Variants in TPCN1 observed in about 807,000 individuals in gnomAD.
TPCN1 encodes the protein two pore channel protein 1.
TPCN1 carries 52 observed loss-of-function variants against 108.8 expected under a neutral mutation model. The observed-to-expected ratio is 0.48, with a 90% CI of 0.38 to 0.60. TPCN1 has a LOEUF of 0.60. TPCN1 is among the 20% of genes least tolerant of loss of function. The probability of loss-of-function intolerance (pLI) is 0.00; values close to 1 mark genes in which losing one functional copy is unlikely to be tolerated. For synonymous variants in TPCN1, 446 were observed against 433.7 expected, an observed-to-expected ratio of 1.03 and a Z score of -0.35; for missense variants, 806 against 1,072.8, an observed-to-expected ratio of 0.75 and a Z score of 3.47.
chr12:113,257,006 T>A (rs1448547053), intron 2 of TPCN1, among the ~76,000 whole-genome samples: 2 of 152,126 alleles, frequency 1.3e-5, no homozygotes, highest in East Asian at 3.8e-4. Flanking sequence ...TCTGATAGAC[T>A]TGTATCCAGA....
intron 25 of TPCN1, chr12:113,292,223 T>A: frequency 2.2e-6 from 1 of 456,378 alleles, no homozygotes; most frequent in Non-Finnish European, 4.0e-6. Context: ...AAGGCTTATG[T>A]GGCAGCAGCA....
intron 2 of TPCN1, among the ~76,000 whole-genome samples, chr12:113,253,064 G>T (rs1343859409): frequency 6.6e-6 from 1 of 152,116 alleles, no homozygotes; most frequent in Non-Finnish European, 1.5e-5. Context: ...TACCGATTGG[G>T]AGCTAGGCAG....
chr12:113,241,269 C>T (rs116771071), intron 2 of TPCN1, among the ~76,000 whole-genome samples: 2,364 of 152,336 alleles, frequency 0.016, 47 homozygotes, highest in African/African-American at 0.053. Flanking sequence ...TGTAGCTGTC[C>T]TCCAGCTGTC....
chr12:113,280,256 A>G lies in TPCN1; in HGVS notation c.1342+61A>G, dbSNP rs375573686. ...CCCCTGAGTCCTTTGCTGTTCTAGA[A>G]GCGGGAGAGGCAAGAGATTGGTCCT... On this transcript the variant is annotated intron_variant, in intron 15 of 27. Transcript: ENST00000335509. The G allele has an allele frequency of 8.5e-6, 12 of 1,415,200 alleles. No homozygotes were observed. In the East Asian group the frequency reaches 2.8e-4, roughly 32 times the overall value. The allele number at this position is 1,415,200 out of a possible 1,614,324, so 87.7% of individuals were successfully genotyped here. A position where few individuals can be genotyped will look rare whatever the true frequency, so the allele number is the denominator to read the frequency against.
intron 2 of TPCN1, among the ~76,000 whole-genome samples, chr12:113,243,097 C>T (rs1050113469): frequency 5.9e-5 from 9 of 152,218 alleles, no homozygotes; most frequent in Admixed American, 3.3e-4. Flanking sequence ...TGGCCGGGTG[C>T]GGTGCCTCAC....
intron 27 of TPCN1, chr12:113,294,328 T>C (rs1956361659): frequency 6.6e-6 from 1 of 152,152 alleles, no homozygotes. Context: ...CCTTGGCTTC[T>C]AATTTAAGAA....
At chr12:113,233,730 A>G (rs1953782311) in intron 2 of TPCN1, among the ~76,000 whole-genome samples, 1 of 152,204 alleles carries the variant, frequency 6.6e-6, no homozygotes, top group Admixed American at 6.5e-5. Flanking sequence ...GCGGTATCCA[A>G]AGCACTTTTG....
intron 12 of TPCN1, 26 bp from the exon 13 acceptor site, chr12:113,278,163 G>A (rs771654379): frequency 6.2e-7 from 1 of 1,607,260 alleles, no homozygotes; most frequent in Non-Finnish European, 8.5e-7. Context: ...CTGATATTTT[G>A]TCCCTTTTTA....
At chr12:113,278,089 C>T in intron 12 of TPCN1, 100 bp from the exon 13 acceptor site, 1 of 978,270 alleles carries the variant, frequency 1.0e-6, no homozygotes, top group Non-Finnish European at 1.6e-6. Context: ...CTCTTCCTCC[C>T]TCACCCCATA....
At chr12:113,234,935 T>C (rs1013873622) in intron 2 of TPCN1, among the ~76,000 whole-genome samples, 5 of 152,258 alleles carry the variant, frequency 3.3e-5, no homozygotes, top group African/African-American at 7.2e-5. Context: ...TGAAATCTGG[T>C]CAGTAGGCTG....
intron 7 of TPCN1, among the ~76,000 whole-genome samples, chr12:113,270,542 A>G (rs1216568214): frequency 6.6e-6 from 1 of 150,704 alleles, no homozygotes; most frequent in Non-Finnish European, 1.5e-5. Context: ...GTGCAGTGGC[A>G]CGATCTCGGC....
In TPCN1 at chr12:113,279,307, GTA is replaced by G. The variant is rs200318809; in HGVS notation, c.1297+482_1297+483del. 2.6e-4 allele frequency among the ~76,000 whole-genome samples: 34 copies of G among 130,098 alleles called. 1 individual carries two copies. Among genetic ancestry groups the G allele is most frequent in the African/African-American group, 7.1e-4 (24 of 33,878 alleles). 85.3% of individuals were successfully genotyped at this position (130,098 alleles called of 152,430 possible). A position where few individuals can be genotyped will look rare whatever the true frequency, so the allele number is the denominator to read the frequency against. On this transcript the variant is annotated intron_variant, in intron 14 of 27. Coordinates refer to ENST00000335509, the MANE Select transcript of TPCN1 (RefSeq NM_017901.6). ...TCCAATAACACATATGTGTGTGTGT[GTA>G]TATATATATGTGTGTGTGTGTGTGT...
At chr12:113,281,278 G>A (rs1955879492) in intron 15 of TPCN1, among the ~76,000 whole-genome samples, 1 of 152,140 alleles carries the variant, frequency 6.6e-6, no homozygotes, top group South Asian at 2.1e-4. Flanking sequence ...GACCTCAGGT[G>A]GTCCACCTGC....
At chr12:113,256,247 A>G (rs1331798031) in intron 2 of TPCN1, among the ~76,000 whole-genome samples, 1 of 151,942 alleles carries the variant, frequency 6.6e-6, no homozygotes. Flanking sequence ...AAATTGACTA[A>G]TTCTAAAGTT....
intron 2 of TPCN1, among the ~76,000 whole-genome samples, chr12:113,252,324 G>T (rs987218002): frequency 6.6e-6 from 1 of 152,198 alleles, no homozygotes; most frequent in Admixed American, 6.5e-5. Context: ...CTGGTCCCAG[G>T]GATGCTGCGG....
chr12:113,284,658 G>C lies in TPCN1; in HGVS notation c.1399+21G>C. 6.2e-7 allele frequency: 1 copy of C among 1,614,212 alleles called. No individual in the cohort carries two copies. The highest frequency in any genetic ancestry group is 8.5e-7 in the Non-Finnish European group (1 of 1,180,036). On this transcript the variant is annotated intron_variant, in intron 16 of 27. Transcript: ENST00000335509. This position sits in a 1 kb window ranked among gnomAD's most constrained non-coding sequence, Gnocchi z 4.1. ...GAAAGGTGAGCCCCGCTCAGGGACT[G>C]GCCGTGTCCTGGCCGGCACACCTGG...
At chr12:113,236,669 G>A (rs572372987) in intron 2 of TPCN1, among the ~76,000 whole-genome samples, 28 of 151,990 alleles carry the variant, frequency 1.8e-4, no homozygotes, top group Admixed American at 9.8e-4. Flanking sequence ...CACCCTGGAC[G>A]GGGCCAGAGA....
rs1408274684 is a variant in TPCN1 at position 113,234,293 on chromosome 12, T to C, written c.112+7329T>C. Among the ~76,000 whole-genome samples, 5 of 152,210 alleles carry C rather than the reference T, an allele frequency of 3.3e-5. 1 individual carries two copies. The highest frequency in any genetic ancestry group is 1.2e-4 in the African/African-American group (5 of 41,464). On this transcript the variant is annotated intron_variant, in intron 2 of 27. Transcript: ENST00000335509. ...AGACATTTGGCTACTTTTTCCATCA[T>C]GGTGGTTAGAACAAGAAAATTTGGG...
chr12:113,277,342 C>G lies in TPCN1; in HGVS notation c.1162C>G (p.Gln388Glu), dbSNP rs770801199. Residue 388 changes from glutamine (Q) to glutamate (E), a missense_variant, in exon 12 of 28, where the codon CAG becomes GAG. Gln to Glu is a conservative substitution (Grantham distance 29). Transcript: ENST00000335509. ...CTATCTTACCTTCAAGGCCCTGAAT[C>G]AGAACAACACACCCCTGCTCAGGTA... ...ERYLTFKALNQNNTPLLSLKD... is the reference protein window; with the variant it reads ...ERYLTFKALNENNTPLLSLKD... 6.2e-7 allele frequency: 1 copy of G among 1,614,186 alleles called. No homozygotes were observed. Among genetic ancestry groups the G allele is most frequent in the East Asian group, 2.2e-5 (1 of 44,884 alleles).
Sources: allele counts gnomAD v4.1 joint callset (sites outside exome capture counted in the v4.1 genomes callset), GRCh38; gene constraint gnomAD v4.1.1; non-coding constraint Gnocchi (gnomAD v3.1); transcripts MANE v1.5; gene names NCBI Gene and HGNC (gene_info 2026-07-23, HGNC 2026-07-21).